Variants in BAIAP2 observed in about 807,000 individuals in gnomAD.
BAIAP2 encodes BAR/IMD domain containing adaptor protein 2.
In BAIAP2, 18 loss-of-function variants were observed where a neutral mutation model predicts 63.0. That is an observed-to-expected ratio of 0.29 (90% CI 0.20 to 0.42). The LOEUF is 0.42. BAIAP2 is among the 10% of genes least tolerant of loss of function. The pLI, the probability that BAIAP2 is intolerant of heterozygous loss-of-function variation, is 1.00. For synonymous variants in BAIAP2, 386 were observed against 307.6 expected (o/e 1.25, Z -2.67); for missense variants, 610 against 734.3 (o/e 0.83, Z 1.96).
At chr17:81,108,785 C>G (rs1156805352) in intron 13 of BAIAP2, 5 of 1,052,556 alleles carry the variant, frequency 4.8e-6, no homozygotes, top group Non-Finnish European at 5.3e-6. Flanking sequence ...GGCTGGCATC[C>G]ATGGCTGGGG....
chr17:81,078,909 G>C (rs965240265), intron 3 of BAIAP2, among the ~76,000 whole-genome samples: 14 of 152,100 alleles, frequency 9.2e-5, no homozygotes, highest in Non-Finnish European at 1.6e-4. Flanking sequence ...GGGGGTGTCA[G>C]GTCTCTCCCC....
chr17:81,112,385 G>A (rs142099416), intron 13 of BAIAP2, among the ~76,000 whole-genome samples: 1 of 152,356 alleles, frequency 6.6e-6, no homozygotes, highest in African/African-American at 2.4e-5. Flanking sequence ...CAGTCTGCCT[G>A]GTCTGACAAC....
At chr17:81,036,543 G>A (rs1479734084) in intron 1 of BAIAP2, among the ~76,000 whole-genome samples, 2 of 152,368 alleles carry the variant, frequency 1.3e-5, no homozygotes, top group South Asian at 2.1e-4. Flanking sequence ...GAGTGCAGGG[G>A]GCCGATTGCA....
intron 4 of BAIAP2, chr17:81,085,329 T>C (rs2055387213): frequency 7.4e-6 from 4 of 543,766 alleles, no homozygotes; most frequent in Non-Finnish European, 1.3e-5. Flanking sequence ...TTCAGGCCCA[T>C]GGGCCCTGCG....
At chr17:81,109,245 C>T (rs746417097) in intron 13 of BAIAP2, 166 of 1,357,324 alleles carry the variant, frequency 1.2e-4, no homozygotes, top group Non-Finnish European at 1.5e-4. Context: ...TGAGCAGAAA[C>T]TGCCAGGCAG....
In BAIAP2 at chr17:81,051,679, A is replaced by C. The variant is rs572709767; in HGVS notation, c.55-1989A>C. Among the ~76,000 whole-genome samples the C allele has an allele frequency of 2.6e-5, 4 of 151,796 alleles. No homozygotes were observed. The East Asian group carries it at 7.8e-4, about 30-fold the overall frequency. On this transcript the variant is annotated intron_variant, in intron 1 of 13. Transcript: ENST00000428708. ...AGCGTTGGGATTACGAGCGTGAGCC[A>C]CCGTGTCCGGCCTGTTTTATTTTTT...
chr17:81,077,140 G>T (rs1455320838), intron 3 of BAIAP2, among the ~76,000 whole-genome samples: 1 of 152,230 alleles, frequency 6.6e-6, no homozygotes, highest in African/African-American at 2.4e-5. Flanking sequence ...CCCGGAGCTA[G>T]GGGGCAACTC....
intron 13 of BAIAP2, among the ~76,000 whole-genome samples, chr17:81,114,475 G>A (rs117765426): frequency 2.6e-5 from 4 of 152,092 alleles, no homozygotes; most frequent in Non-Finnish European, 5.9e-5. Flanking sequence ...AAGCTGCACC[G>A]ATCAAAGCTG....
In BAIAP2 at chr17:81,057,971, A is replaced by AGGGGGGGGGGGGGGGG; in HGVS notation, c.217+5_217+6insGGGGGGGGGGGGGGGG. 8 of 664,794 alleles carry AGGGGGGGGGGGGGGGG rather than the reference A, an allele frequency of 1.2e-5. No homozygotes were observed. Among genetic ancestry groups the AGGGGGGGGGGGGGGGG allele is most frequent in the African/African-American group, 3.4e-5 (1 of 29,082 alleles). The allele number at this position is 664,794 out of a possible 1,614,324, so 41.2% of individuals were successfully genotyped here. ...AGCCAGGGCTCCAAAGAACTCGGTG[A>AGGGGGGGGGGGGGGGG]GACCCCCCCCCCCCCCCCGCCTGGT... On this transcript the variant is annotated splice_donor_region_variant and intron_variant, in intron 3 of 13. Coordinates refer to ENST00000428708, the MANE Select transcript of BAIAP2 (RefSeq NM_001144888.2).
At chr17:81,090,353 G>A (rs138496945) in intron 6 of BAIAP2, among the ~76,000 whole-genome samples, 17 of 151,748 alleles carry the variant, frequency 1.1e-4, no homozygotes, top group East Asian at 9.6e-4. Flanking sequence ...TCTCCTGGAC[G>A]GACCTCCGCC....
At position 81,110,839 on chromosome 17, in the gene BAIAP2, T is replaced by A; in HGVS notation, c.1535+2330T>A. 17 of 1,579,190 alleles carry A rather than the reference T, an allele frequency of 1.1e-5. No homozygotes were observed. The South Asian group carries it at 1.9e-4, about 17-fold the overall frequency. ...TCTAGGTCTCCTGGCAGCTCGCCCG[T>A]GGTCCCCCCTCCTCTGCACCCCCGA... On this transcript the variant is annotated intron_variant, in intron 13 of 13. Transcript: ENST00000428708.
chr17:81,054,638 C>T (rs1598547347), intron 2 of BAIAP2, among the ~76,000 whole-genome samples: 2 of 152,284 alleles, frequency 1.3e-5, no homozygotes, highest in East Asian at 3.9e-4. Flanking sequence ...ACTGCAGCAG[C>T]TTCGGGTTTG....
chr17:81,111,105 T>C, intron 13 of BAIAP2: 1 of 952,606 alleles, frequency 1.0e-6, no homozygotes, highest in South Asian at 1.4e-5. Context: ...TCACTCTGGG[T>C]GCTGGGCCTT....
At chr17:81,089,636 G>A (rs2056366364) in intron 6 of BAIAP2, among the ~76,000 whole-genome samples, 1 of 152,018 alleles carries the variant, frequency 6.6e-6, no homozygotes, top group Admixed American at 6.5e-5. Flanking sequence ...GGCAGGCGGA[G>A]GGGGAGAGGG....
intron 3 of BAIAP2, among the ~76,000 whole-genome samples, chr17:81,069,703 C>T (rs1174426157): frequency 3.3e-5 from 5 of 152,210 alleles, no homozygotes; most frequent in Admixed American, 6.5e-5. Flanking sequence ...GGGACTCTCC[C>T]CCGCCAGGAC....
intron 10 of BAIAP2, 108 bp from the exon 11 acceptor site, chr17:81,105,970 C>T (rs1340022530): frequency 3.2e-5 from 30 of 926,466 alleles, no homozygotes; most frequent in African/African-American, 6.6e-5. Context: ...CAGAGACAGC[C>T]GCGCAGCCAT....
At chr17:81,079,240 A>G (rs955686893) in intron 3 of BAIAP2, among the ~76,000 whole-genome samples, 14 of 152,132 alleles carry the variant, frequency 9.2e-5, no homozygotes, top group Non-Finnish European at 2.9e-5. Flanking sequence ...CCCTGTCCCC[A>G]TCAGCTGCGC....
intron 7 of BAIAP2, among the ~76,000 whole-genome samples, chr17:81,100,404 A>T (rs1291807206): frequency 6.6e-6 from 1 of 152,118 alleles, no homozygotes; most frequent in African/African-American, 2.4e-5. Context: ...GGCTGACGCC[A>T]GGCAGGGGAC....
intron 13 of BAIAP2, among the ~76,000 whole-genome samples, chr17:81,113,092 G>A (rs1471480448): frequency 1.3e-5 from 2 of 152,114 alleles, no homozygotes; most frequent in Non-Finnish European, 2.9e-5. Context: ...AAAAGCCACC[G>A]GTCTCCCCTG....
Sources: gnomAD v4.1 joint callset for allele counts (sites outside exome capture counted in the v4.1 genomes callset) on GRCh38, gnomAD v4.1.1 for gene constraint, MANE v1.5 for transcripts, NCBI Gene and HGNC (gene_info 2026-07-23, HGNC 2026-07-21) for gene names.